The following GOLGA7B variants were observed in gnomAD, a reference collection of about 807,000 sequenced individuals.
The protein encoded by GOLGA7B is golgin A7 family member B, also known as golgin subfamily A member 7B.
Under a neutral mutation model 21.5 loss-of-function variants are expected in GOLGA7B, and 17 were observed. The observed-to-expected ratio is 0.79, with a 90% CI of 0.54 to 1.19. GOLGA7B has a LOEUF of 1.19. GOLGA7B is among the 50% of genes most tolerant of loss of function. GOLGA7B has a pLI of 0.00. For missense variants in GOLGA7B, 169 were observed against 224.4 expected, an observed-to-expected ratio of 0.75 and a Z score of 1.58; for synonymous variants, 87 against 84.0, an observed-to-expected ratio of 1.04 and a Z score of -0.19.
At position 97,865,762 on chromosome 10, in the gene GOLGA7B, G is replaced by A. The variant is rs1212861812; in HGVS notation, c.*62G>A. The A allele has an allele frequency of 1.1e-5, 16 of 1,517,944 alleles. No homozygotes were observed. Among genetic ancestry groups the A allele is most frequent in the South Asian group, 2.5e-5 (2 of 79,352 alleles). 94.0% of individuals were successfully genotyped at this position (1,517,944 alleles called of 1,614,324 possible). ...AGTGAGGGCCTTGCAGACCTGCGGC[G>A]GCTGCGCTACCAGAGCACCCGCTTC... On this transcript the variant is annotated 3_prime_UTR_variant, in exon 5 of 5. Coordinates refer to ENST00000370602, the MANE Select transcript of GOLGA7B (RefSeq NM_001010917.3).
intron 4 of GOLGA7B, 110 bp downstream of exon 4, chr10:97,864,379 C>T (rs1249671303): frequency 2.6e-6 from 2 of 767,224 alleles, no homozygotes; most frequent in Non-Finnish European, 4.4e-6. Flanking sequence ...CTCAGGTTTT[C>T]CCAGGATTCC....
chr10:97,854,295 G>A (rs1325884176), intron 1 of GOLGA7B, among the ~76,000 whole-genome samples: 1 of 152,240 alleles, frequency 6.6e-6, no homozygotes, highest in Admixed American at 6.5e-5. Context: ...AAGAAATGGA[G>A]GTGCAGAGAA....
At chr10:97,853,568 A>G (rs1264542460) in intron 1 of GOLGA7B, among the ~76,000 whole-genome samples, 1 of 152,064 alleles carries the variant, frequency 6.6e-6, no homozygotes, top group East Asian at 1.9e-4. Flanking sequence ...TTTCTTCCTT[A>G]TGAAATGCTT....
chr10:97,860,111 G>C (rs997255189), intron 2 of GOLGA7B, among the ~76,000 whole-genome samples: 3 of 152,154 alleles, frequency 2.0e-5, no homozygotes, highest in African/African-American at 7.2e-5. Flanking sequence ...ATTTTGAAAT[G>C]AATTTTAATC....
In GOLGA7B at chr10:97,868,801, G is replaced by C. The variant is rs985095529; in HGVS notation, c.*3101G>C. On this transcript the variant is annotated 3_prime_UTR_variant, in exon 5 of 5. Transcript: ENST00000370602. ...TACTAAACGGGTAAAACCAAATCTG[G>C]GTGCTTATCTGACTGAGAGGCATTC... 3.9e-5 allele frequency: 6 copies of C among 152,092 alleles called. No individual in the cohort carries two copies. Among genetic ancestry groups the C allele is most frequent in the African/African-American group, 1.4e-4 (6 of 41,400 alleles). The allele number at this position is 152,092 out of a possible 1,614,324, so 9.4% of individuals were successfully genotyped here. A position where few individuals can be genotyped will look rare whatever the true frequency, so the allele number is the denominator to read the frequency against.
rs560359963 is a variant in GOLGA7B at position 97,851,822 on chromosome 10, G to A, written c.12+1507G>A. Among the ~76,000 whole-genome samples the A allele has an allele frequency of 7.9e-5, 12 of 152,362 alleles. No individual in the cohort carries two copies. In the South Asian group the frequency reaches 1.9e-3, roughly 24 times the overall value. ...CATGGCCCACAGATTCCAACCAGCA[G>A]GCTTCTATCTCTATGTCAAGACAGC... On this transcript the variant is annotated intron_variant, in intron 1 of 4. Transcript: ENST00000370602.
Position 97,850,324 on chromosome 10 carries a change from G to T in GOLGA7B, c.12+9G>T. 1 of 1,515,038 alleles carries T rather than the reference G, an allele frequency of 6.6e-7. No individual in the cohort carries two copies. 93.8% of individuals were successfully genotyped at this position (1,515,038 alleles called of 1,614,324 possible). On this transcript the variant is annotated intron_variant, in intron 1 of 4. Coordinates refer to ENST00000370602, the MANE Select transcript of GOLGA7B (RefSeq NM_001010917.3). Reference sequence around the variant, plus strand: ...GGATCATGGCCACCGAGGTAGGGGCGAGCGCCCCACCCGCAGGCAGTGCCC... The same window carrying T: ...GGATCATGGCCACCGAGGTAGGGGCTAGCGCCCCACCCGCAGGCAGTGCCC...
At chr10:97,853,095 A>G (rs2049913891) in intron 1 of GOLGA7B, among the ~76,000 whole-genome samples, 1 of 152,116 alleles carries the variant, frequency 6.6e-6, no homozygotes, top group South Asian at 2.1e-4. Context: ...TGGAGGTTTG[A>G]TCTTTGAGGC....
At chr10:97,861,898 T>C (rs916237249) in intron 2 of GOLGA7B, among the ~76,000 whole-genome samples, 1 of 152,228 alleles carries the variant, frequency 6.6e-6, no homozygotes, top group African/African-American at 2.4e-5. Flanking sequence ...CTATGAGTTC[T>C]CCCCAGGTCT....
intron 1 of GOLGA7B, among the ~76,000 whole-genome samples, chr10:97,852,524 G>A (rs1264978646): frequency 6.6e-6 from 1 of 152,200 alleles, no homozygotes; most frequent in Non-Finnish European, 1.5e-5. Context: ...TCTGGGTTGT[G>A]GGGTGAGTCA....
chr10:97,850,394 T>G, intron 1 of GOLGA7B, 79 bp downstream of exon 1: 3 of 1,092,524 alleles, frequency 2.7e-6, no homozygotes, highest in Admixed American at 2.7e-5. Context: ...TGGGCAGGAG[T>G]GGGAGGCGGG....
intron 1 of GOLGA7B, among the ~76,000 whole-genome samples, chr10:97,857,352 A>G (rs2136514527): frequency 7.1e-6 from 1 of 141,372 alleles, no homozygotes. Context: ...CATCCCATTT[A>G]CAATAGCCAG....
In GOLGA7B at chr10:97,865,939, G is replaced by T; in HGVS notation, c.*239G>T. On this transcript the variant is annotated 3_prime_UTR_variant, in exon 5 of 5. Coordinates refer to ENST00000370602, the MANE Select transcript of GOLGA7B (RefSeq NM_001010917.3). ...ACCTGGGGGCTTTTCCTTCCCGATG[G>T]GGCTGGTCTGGGCCACACAGAGACA... 1.7e-6 allele frequency: 1 copy of T among 577,798 alleles called. No homozygotes were observed. The highest frequency in any genetic ancestry group is 2.9e-6 in the Non-Finnish European group (1 of 348,160). 35.8% of individuals were successfully genotyped at this position (577,798 alleles called of 1,614,324 possible). A position where few individuals can be genotyped will look rare whatever the true frequency, so the allele number is the denominator to read the frequency against.
intron 4 of GOLGA7B, chr10:97,865,332 G>A: frequency 2.0e-6 from 1 of 489,330 alleles, no homozygotes; most frequent in Non-Finnish European, 3.5e-6. Flanking sequence ...AGCGCCATCA[G>A]GGCAGCGACC....
intron 1 of GOLGA7B, among the ~76,000 whole-genome samples, chr10:97,856,867 T>G (rs2049938355): frequency 6.6e-6 from 1 of 152,252 alleles, no homozygotes; most frequent in Non-Finnish European, 1.5e-5. Context: ...ATTGGCAGCA[T>G]GTATTTCTTC....
chr10:97,868,883 G>A lies in GOLGA7B; in HGVS notation c.*3183G>A, dbSNP rs1239160837. On this transcript the variant is annotated 3_prime_UTR_variant, in exon 5 of 5. Coordinates refer to ENST00000370602, the MANE Select transcript of GOLGA7B (RefSeq NM_001010917.3). ...AATAATAGTAGCTGACGTTTATTTA[G>A]CACTTCCTATGTGCCAGGCACTAGG... 3 of 151,930 alleles carry A rather than the reference G, an allele frequency of 2.0e-5. No homozygotes were observed. Among genetic ancestry groups the A allele is most frequent in the Non-Finnish European group, 4.4e-5 (3 of 68,034 alleles). The allele number at this position is 151,930 out of a possible 1,614,324, so 9.4% of individuals were successfully genotyped here.
intron 4 of GOLGA7B, 99 bp downstream of exon 4, chr10:97,864,368 A>T: frequency 2.2e-6 from 2 of 923,134 alleles, no homozygotes. Flanking sequence ...AGGGGCCTCC[A>T]CTCAGGTTTT....
chr10:97,856,526 G>T (rs186555417), intron 1 of GOLGA7B, among the ~76,000 whole-genome samples: 1 of 152,180 alleles, frequency 6.6e-6, no homozygotes, highest in African/African-American at 2.4e-5. Context: ...TTGCTATTGT[G>T]AATAGTGCTA....
chr10:97,854,748 T>C (rs2049924626), intron 1 of GOLGA7B, among the ~76,000 whole-genome samples: 1 of 152,204 alleles, frequency 6.6e-6, no homozygotes, highest in African/African-American at 2.4e-5. Context: ...TTATGTAAGG[T>C]AGCACCCCCA....
Sources: allele counts gnomAD v4.1 joint callset (sites outside exome capture counted in the v4.1 genomes callset), GRCh38; gene constraint gnomAD v4.1.1; transcripts MANE v1.5; gene names NCBI Gene and HGNC (gene_info 2026-07-23, HGNC 2026-07-21).